The following CCDC180 variants were observed in gnomAD, a reference collection of about 807,000 sequenced individuals.
CCDC180 encodes the protein coiled-coil domain-containing protein 180.
CCDC180 carries 154 observed loss-of-function variants against 209.2 expected under a neutral mutation model. The observed-to-expected ratio is 0.74, with a 90% CI of 0.65 to 0.84. The LOEUF is 0.84. Among genes scored for constraint, CCDC180 ranks in the 40% least tolerant of loss-of-function variants. The pLI, the probability that CCDC180 is intolerant of heterozygous loss-of-function variation, is 0.00. For synonymous variants in CCDC180, 778 were observed against 749.1 expected (o/e 1.04, Z -0.63); for missense variants, 1,874 against 1,997.3 (o/e 0.94, Z 1.18).
chr9:97,310,421 G>A (rs984761090), intron 3 of CCDC180, among the ~76,000 whole-genome samples: 1 of 150,010 alleles, frequency 6.7e-6, no homozygotes, highest in Non-Finnish European at 1.5e-5. Context: ...GCAGGCGGGG[G>A]TCAGGCATGG....
At chr9:97,312,322 C>T (rs561487326) in intron 4 of CCDC180, 121 bp downstream of exon 4, 72 of 760,434 alleles carry the variant, frequency 9.5e-5, no homozygotes, top group Non-Finnish European at 1.5e-4. Flanking sequence ...CTGTGTTCCT[C>T]GGCTCAGCCA....
chr9:97,307,357 T>A, upstream of CCDC180: 1 of 491,954 alleles, frequency 2.0e-6, no homozygotes, highest in Non-Finnish European at 4.0e-6. Context: ...GGACCGGCCC[T>A]GGCTGCCTTG....
intron 31 of CCDC180, among the ~76,000 whole-genome samples, chr9:97,367,888 C>T (rs1038546245): frequency 1.3e-5 from 2 of 152,104 alleles, no homozygotes; most frequent in African/African-American, 4.8e-5. Flanking sequence ...AATTAAGCAG[C>T]GATAGTGCTC....
intron 10 of CCDC180, among the ~76,000 whole-genome samples, chr9:97,319,858 G>A (rs1047459485): frequency 3.3e-5 from 5 of 152,112 alleles, no homozygotes; most frequent in Admixed American, 6.5e-5. Context: ...GGCTTCCTTG[G>A]TCAAGGGATG....
intron 11 of CCDC180, among the ~76,000 whole-genome samples, chr9:97,321,147 C>T (rs1233888361): frequency 6.6e-6 from 1 of 152,080 alleles, no homozygotes; most frequent in East Asian, 1.9e-4. Context: ...GTTTTCTGAG[C>T]ACATTTAAGG....
rs528194136 is a variant in CCDC180 at position 97,359,967 on chromosome 9, C to T, written c.3364-15C>T. On this transcript the variant is annotated splice_polypyrimidine_tract_variant and intron_variant, in intron 25 of 36. Transcript: ENST00000529487. ...TCTGCTTCCTTGGGGCTTTCTTCCT[C>T]CCTTTTCTCACCAGACAGTGACCAC... 27 of 1,613,268 alleles carry T rather than the reference C, an allele frequency of 1.7e-5. No individual in the cohort carries two copies. The highest frequency in any genetic ancestry group is 2.7e-5 in the African/African-American group (2 of 74,918).
At chr9:97,362,043 C>A in intron 27 of CCDC180, 145 bp downstream of exon 27, 1 of 1,365,234 alleles carries the variant, frequency 7.3e-7, no homozygotes, top group East Asian at 2.4e-5. Context: ...AAGGGCTTCC[C>A]CACCCAGAGC....
intron 15 of CCDC180, among the ~76,000 whole-genome samples, 159 bp from the exon 16 acceptor site, chr9:97,327,861 G>T (rs1870859): frequency 6.6e-5 from 10 of 152,028 alleles, no homozygotes; most frequent in Non-Finnish European, 2.9e-5. Context: ...TGTATTTCTC[G>T]TATGATCAGA....
chr9:97,327,033 G>A (rs1170135387), intron 15 of CCDC180, among the ~76,000 whole-genome samples: 1 of 152,164 alleles, frequency 6.6e-6, no homozygotes, highest in African/African-American at 2.4e-5. Context: ...GCCAGATGTG[G>A]TGGCAGGTCC....
At chr9:97,342,384 C>A (rs1405671459) in intron 18 of CCDC180, among the ~76,000 whole-genome samples, 1 of 152,186 alleles carries the variant, frequency 6.6e-6, no homozygotes, top group Non-Finnish European at 1.5e-5. Context: ...AAACTCATGA[C>A]CTCAAATGAT....
chr9:97,354,908 A>G lies in CCDC180; in HGVS notation c.3164A>G (p.Asn1055Ser), dbSNP rs758752088. 8 of 1,613,538 alleles carry G rather than the reference A, an allele frequency of 5.0e-6. No individual in the cohort carries two copies. The highest frequency in any genetic ancestry group is 4.4e-5 in the South Asian group (4 of 91,080). Residue 1055 changes from asparagine (N) to serine (S), a missense_variant, in exon 24 of 37, where the codon AAC becomes AGC. Transcript: ENST00000529487. ...EYLDQANDVINKFESKFHNLS... is the reference protein window; with the variant it reads ...EYLDQANDVISKFESKFHNLS... ...TCTGTACAGGCCAATGATGTCATCAACAAGTTTGAAAGCAAATTCCATAAC... is the reference window on the plus strand; with the variant it reads ...TCTGTACAGGCCAATGATGTCATCAGCAAGTTTGAAAGCAAATTCCATAAC...
chr9:97,352,935 AT>A (rs1206075695), intron 22 of CCDC180, among the ~76,000 whole-genome samples: 2 of 149,294 alleles, frequency 1.3e-5, no homozygotes, highest in Admixed American at 1.4e-4. Flanking sequence ...AGATATATAC[AT>A]ATACGTATGT....
At chr9:97,361,696 C>T (rs772352150) in intron 26 of CCDC180, 30 bp from the exon 27 acceptor site, 5 of 1,609,790 alleles carry the variant, frequency 3.1e-6, no homozygotes, top group African/African-American at 2.7e-5. Flanking sequence ...CTGGTCCTTA[C>T]ACCCTCAGGC....
Position 97,374,540 on chromosome 9 carries a change from T to C in CCDC180, c.4601-3T>C, listed in dbSNP as rs779165661. 1 of 1,612,892 alleles carries C rather than the reference T, an allele frequency of 6.2e-7. No homozygotes were observed. The highest frequency in any genetic ancestry group is 2.2e-5 in the East Asian group (1 of 44,862). ...CAGTCACTAGCCTGTCTTTTGCCTC[T>C]AGGGATGGAGCCCCCCAAACAGAAA... On this transcript the variant is annotated splice_region_variant and splice_polypyrimidine_tract_variant and intron_variant, in intron 34 of 36. Coordinates refer to ENST00000529487, the MANE Select transcript of CCDC180 (RefSeq NM_020893.6).
intron 18 of CCDC180, among the ~76,000 whole-genome samples, chr9:97,332,682 G>A (rs530069786): frequency 1.8e-4 from 27 of 152,194 alleles, no homozygotes; most frequent in Non-Finnish European, 3.2e-4. Context: ...CTTAGATGTT[G>A]TTGGTGTGTA....
intron 15 of CCDC180, 24 bp downstream of exon 15, chr9:97,326,693 G>A (rs369265879): frequency 1.6e-5 from 23 of 1,402,670 alleles, no homozygotes; most frequent in South Asian, 5.8e-5. Flanking sequence ...ACTCCAGAAG[G>A]CAGGAAGGGA....
chr9:97,357,804 G>C, intron 25 of CCDC180, 79 bp downstream of exon 25: 1 of 1,187,062 alleles, frequency 8.4e-7, no homozygotes. Context: ...AAATTTACCT[G>C]TGTGTATAGG....
At position 97,316,956 on chromosome 9, in the gene CCDC180, A is replaced by C. The variant is rs902361283; in HGVS notation, c.796-109A>C. ...CCTGCAACCACCCCACTTGGCCCTC[A>C]CCCTGCACCTCCCCTCTCCAGCCTC... On this transcript the variant is annotated intron_variant, in intron 8 of 36. Coordinates refer to ENST00000529487, the MANE Select transcript of CCDC180 (RefSeq NM_020893.6). 4 of 1,107,396 alleles carry C rather than the reference A, an allele frequency of 3.6e-6. No homozygotes were observed. In the African/African-American group the frequency reaches 6.2e-5, roughly 17 times the overall value. The allele number at this position is 1,107,396 out of a possible 1,614,324, so 68.6% of individuals were successfully genotyped here.
intron 18 of CCDC180, among the ~76,000 whole-genome samples, chr9:97,336,019 G>C (rs952830802): frequency 1.3e-5 from 2 of 152,162 alleles, no homozygotes; most frequent in African/African-American, 4.8e-5. Flanking sequence ...ACTTTTTAAT[G>C]GGGTTGTTTG....
Sources: gnomAD v4.1 joint callset for allele counts (sites outside exome capture counted in the v4.1 genomes callset) on GRCh38, gnomAD v4.1.1 for gene constraint, MANE v1.5 for transcripts, NCBI Gene and HGNC (gene_info 2026-07-23, HGNC 2026-07-21) for gene names.